GET4: variants seen among roughly 807,000 people sequenced by gnomAD.
The protein encoded by GET4 is guided entry of tail-anchored proteins factor 4.
In GET4, 20 loss-of-function variants were observed where a neutral mutation model predicts 40.0. The ratio of observed to expected loss-of-function variants is 0.50; its 90% CI spans 0.35 to 0.73. The LOEUF (loss-of-function observed/expected upper bound fraction) is 0.73. Among genes scored for constraint, GET4 ranks in the 30% least tolerant of loss-of-function variants. The pLI is 0.01. For missense variants in GET4, 557 were observed against 454.0 expected, an observed-to-expected ratio of 1.23 and a Z score of -2.06; for synonymous variants, 280 against 194.6, an observed-to-expected ratio of 1.44 and a Z score of -3.65.
At chr7:881,640 C>G (rs973203781) in intron 1 of GET4, 6 of 152,078 alleles carry the variant, frequency 3.9e-5, no homozygotes, top group Admixed American at 2.0e-4. Flanking sequence ...TTATTTTAGC[C>G]TCGGGCAGGT....
rs536216852 is a variant in GET4, at chr7:886,770, T to C, written c.316+120T>C. 766 of 714,258 alleles carry C rather than the reference T, an allele frequency of 1.1e-3. 16 individuals carry two copies. In the South Asian group the frequency reaches 0.011, roughly 10 times the overall value. 44.2% of individuals were successfully genotyped at this position (714,258 alleles called of 1,614,324 possible). ...GGGTCTTGTGTGCTGTGGGGTGAAC[T>C]CTGCTGCAGAGGCAGTTCCCACCCG... On this transcript the variant is annotated intron_variant, in intron 3 of 8. Coordinates refer to ENST00000265857, the MANE Select transcript of GET4 (RefSeq NM_015949.3).
At chr7:886,291 C>G (rs1012991963) in intron 2 of GET4, 157 bp downstream of exon 2, 1 of 623,198 alleles carries the variant, frequency 1.6e-6, no homozygotes, top group Non-Finnish European at 2.9e-6. Context: ...TCCCCCCTGG[C>G]TTGGCTGCTC....
In GET4 at chr7:893,820, G is replaced by A. The variant is rs747283069; in HGVS notation, c.822+5G>A. On this transcript the variant is annotated splice_donor_5th_base_variant and intron_variant, in intron 7 of 8. Transcript: ENST00000265857. ...CGGGACCCCATGTACAACGAGGTGAGAGCTTGGGGCTGGGGAGGGAGGAGG... is the reference window on the plus strand; with the variant it reads ...CGGGACCCCATGTACAACGAGGTGAAAGCTTGGGGCTGGGGAGGGAGGAGG... 6.2e-7 allele frequency: 1 copy of A among 1,610,598 alleles called. No homozygotes were observed. Among genetic ancestry groups the A allele is most frequent in the South Asian group, 1.1e-5 (1 of 91,000 alleles).
At chr7:890,622 C>T (rs918715063) in intron 4 of GET4, among the ~76,000 whole-genome samples, 2 of 152,120 alleles carry the variant, frequency 1.3e-5, no homozygotes, top group African/African-American at 4.8e-5. Flanking sequence ...AGAAGGGTCA[C>T]ATGGTAACAC....
intron 1 of GET4, among the ~76,000 whole-genome samples, chr7:877,274 C>A (rs1334546597): frequency 2.1e-5 from 3 of 145,924 alleles, no homozygotes; most frequent in African/African-American, 5.1e-5. Context: ...CCCGGCCCCT[C>A]GTCTCTCTGT....
rs141188832 is a variant in GET4 at position 895,350 on chromosome 7, C to T, written c.912C>T (p.Ser304=). ...TCTTTCCAGGGAACCTTCTGACCAG[C>T]CTCATGGGCTCCTCAGAGCAGGAGG... The part of the protein sequence containing the change: ...YGGLLGNLLT[S]LMGSSEQEDG... Residue 304 remains serine, a synonymous_variant, in exon 9 of 9, where the codon AGC becomes AGT. Coordinates refer to ENST00000265857, the MANE Select transcript of GET4 (RefSeq NM_015949.3). 1.1e-4 allele frequency: 168 copies of T among 1,582,992 alleles called. 1 individual carries two copies. In the African/African-American group the frequency reaches 2.1e-3, roughly 20 times the overall value.
chr7:891,890 C>T (rs182899972), intron 5 of GET4, among the ~76,000 whole-genome samples: 4 of 152,380 alleles, frequency 2.6e-5, no homozygotes, highest in South Asian at 2.1e-4. Context: ...TGTGGGTCCT[C>T]GAACAGAAGC....
chr7:887,663 A>T (rs559995508), intron 4 of GET4, 144 bp downstream of exon 4: 3 of 565,616 alleles, frequency 5.3e-6, no homozygotes, highest in Non-Finnish European at 8.2e-6. Context: ...ATGGAGACCC[A>T]TGCGCCATGC....
chr7:888,177 C>T (rs1469502728), intron 4 of GET4, among the ~76,000 whole-genome samples: 4 of 152,144 alleles, frequency 2.6e-5, no homozygotes, highest in Non-Finnish European at 4.4e-5. Flanking sequence ...GGTGGGGAGG[C>T]GGCACCCAGG....
At chr7:895,243 G>C in intron 8 of GET4, 91 bp from the exon 9 acceptor site, 1 of 671,044 alleles carries the variant, frequency 1.5e-6, no homozygotes, top group Non-Finnish European at 2.7e-6. Flanking sequence ...TGGGACACTG[G>C]GACACCTTGT....
intron 4 of GET4, 129 bp from the exon 5 acceptor site, chr7:890,799 T>C (rs1320175064): frequency 4.2e-6 from 3 of 719,408 alleles, no homozygotes; most frequent in Non-Finnish European, 7.3e-6. Context: ...CCTCTGCCTG[T>C]GGGCTCTGGC....
At chr7:882,482 G>A (rs1421332711) in intron 1 of GET4, 1 of 152,556 alleles carries the variant, frequency 6.6e-6, no homozygotes, top group Admixed American at 6.5e-5. Context: ...GGTTACGCTA[G>A]AGAGCAGCTG....
chr7:884,185 G>T, intron 1 of GET4: 3 of 1,299,196 alleles, frequency 2.3e-6, no homozygotes, highest in Non-Finnish European at 3.0e-6. Context: ...CTGGTGTGGT[G>T]CTTGCTCAGG....
At position 892,329 on chromosome 7, in the gene GET4, C is replaced by T. The variant is rs375462905; in HGVS notation, c.657C>T (p.Tyr219=). The T allele has an allele frequency of 5.1e-5, 82 of 1,595,688 alleles. 1 individual carries two copies. In the South Asian group the frequency reaches 8.5e-4, roughly 17 times the overall value. Residue 219 remains tyrosine (Y), a synonymous_variant, in exon 6 of 9, where the codon TAC becomes TAT. Transcript: ENST00000265857. ...KSSASVVFTT[Y]TQKHPSIEDG... is the part of the protein sequence containing the mutation. ...GCGCATCGGTGGTCTTCACGACGTA[C>T]ACCCAGAAGCACCCGTCCATCGAGG...
intron 4 of GET4, among the ~76,000 whole-genome samples, chr7:888,510 A>G (rs1282144496): frequency 6.6e-6 from 1 of 152,232 alleles, no homozygotes; most frequent in Non-Finnish European, 1.5e-5. Flanking sequence ...GGAAGTGAGC[A>G]AATCCAAGTA....
rs768849334 is a variant in GET4 at position 890,998 on chromosome 7, G to A, written c.537G>A (p.Leu179=). 2.5e-6 allele frequency: 4 copies of A among 1,611,952 alleles called. No individual in the cohort carries two copies. Among genetic ancestry groups the A allele is most frequent in the Non-Finnish European group, 3.4e-6 (4 of 1,178,186 alleles). The part of the protein sequence containing the change: ...SADGEGCANM[L]VEYSTSRGFR... ...ACGGGGAGGGCTGTGCCAACATGCT[G>A]GTGGAGTATTCCACGTCCCGCGGCT... The change falls in exon 5 of 9, where the codon CTG becomes CTA. Residue 179 remains leucine, a synonymous_variant. Transcript: ENST00000265857.
chr7:887,532 C>T lies in GET4; in HGVS notation c.466+13C>T, dbSNP rs1471842262. The T allele has an allele frequency of 2.0e-6, 3 of 1,515,842 alleles. No homozygotes were observed. In the South Asian group the frequency reaches 3.9e-5, roughly 20 times the overall value. The allele number at this position is 1,515,842 out of a possible 1,614,324, so 93.9% of individuals were successfully genotyped here. On this transcript the variant is annotated intron_variant, in intron 4 of 8. Transcript: ENST00000265857. ...ACCCTGTGGAAAGGTAGGCCTGGGG[C>T]CAGGGCAGGCGTGGGCACCTCTCTG...
chr7:885,997 CG>C, intron 1 of GET4, 58 bp from the exon 2 acceptor site: 2 of 995,300 alleles, frequency 2.0e-6, no homozygotes, highest in South Asian at 2.5e-5. Context: ...TGAAGATGAG[CG>C]GGGGAGCGCG....
intron 1 of GET4, chr7:884,533 G>A: frequency 2.6e-6 from 1 of 377,756 alleles, no homozygotes; most frequent in African/African-American, 2.1e-5. Context: ...CCCTGCCTCT[G>A]TGCAGCACGA....
Sources: allele counts gnomAD v4.1 joint callset (sites outside exome capture counted in the v4.1 genomes callset), GRCh38; gene constraint gnomAD v4.1.1; transcripts MANE v1.5; gene names NCBI Gene and HGNC (gene_info 2026-07-23, HGNC 2026-07-21).